Variants in CCNC observed in about 807,000 individuals in gnomAD.
CCNC encodes the protein cyclin-C.
In CCNC, 19 loss-of-function variants were observed where a neutral mutation model predicts 50.0. The observed-to-expected ratio is 0.38, with a 90% confidence interval of 0.27 to 0.56. The LOEUF (loss-of-function observed/expected upper bound fraction) is 0.56, where lower values mean the gene tolerates loss of function less well. CCNC is among the 20% of genes least tolerant of loss of function. The pLI, the probability that CCNC is intolerant of heterozygous loss-of-function variation, is 0.72. For synonymous variants in CCNC, 93 were observed against 103.7 expected, an observed-to-expected ratio of 0.90 and a Z score of 0.63; for missense variants, 200 against 327.1, an observed-to-expected ratio of 0.61 and a Z score of 3.00.
chr6:99,567,827 T>A (rs1562496732), intron 1 of CCNC, among the ~76,000 whole-genome samples: 1 of 152,122 alleles, frequency 6.6e-6, no homozygotes, highest in Non-Finnish European at 1.5e-5. Context: ...AAACAAGAAC[T>A]TATTCATGAA....
intron 5 of CCNC, among the ~76,000 whole-genome samples, chr6:99,555,436 CT>C (rs67373075): frequency 0.85 from 128,677 of 150,926 alleles, 55,419 homozygotes; most frequent in East Asian, 0.98. Flanking sequence ...TTGTGGAACT[CT>C]TTTTTTTTTT....
chr6:99,548,973 G>A (rs1397442675), intron 9 of CCNC, among the ~76,000 whole-genome samples: 3 of 152,134 alleles, frequency 2.0e-5, no homozygotes, highest in African/African-American at 4.8e-5. Context: ...AAACAAACAC[G>A]GAAAGGTCAG....
chr6:99,560,368 T>G lies in CCNC; in HGVS notation c.294+999A>C, dbSNP rs538681001. Reference sequence around the variant, plus strand: ...AACATAAACTTCTAGAAAGCTTGTCTTAATATTATTTCTAACAGAGTCAAT... The same window carrying G: ...AACATAAACTTCTAGAAAGCTTGTCGTAATATTATTTCTAACAGAGTCAAT... On this transcript the variant is annotated intron_variant, in intron 4 of 11. Transcript: ENST00000520429. Among the ~76,000 whole-genome samples, 163 of 152,324 alleles carry G rather than the reference T, an allele frequency of 1.1e-3. 1 individual carries two copies. The highest frequency in any genetic ancestry group is 3.7e-3 in the African/African-American group (155 of 41,584).
At chr6:99,549,288 CA>C (rs34144372) in intron 9 of CCNC, 149,361 of 486,292 alleles carry the variant, frequency 0.31, 6,979 homozygotes, top group African/African-American at 0.44. Flanking sequence ...TGAATGGTTT[CA>C]AAAAAAAAAA....
chr6:99,561,878 TAAACAACAACA>T lies in CCNC; in HGVS notation c.140-208_140-198del, dbSNP rs374701217. On this transcript the variant is annotated intron_variant, in intron 2 of 11. Transcript: ENST00000520429. ...GTGTTAAGAAATATATAGGTATGCA[TAAACAACAACA>T]AAACAACAACAAAACAGAAATTGCC... 2,925 of 351,106 alleles carry T rather than the reference TAAACAACAACA, an allele frequency of 8.3e-3. 20 individuals carry two copies. The highest frequency in any genetic ancestry group is 0.011 in the Non-Finnish European group (2,155 of 191,378). The allele number at this position is 351,106 out of a possible 1,614,324, so 21.7% of individuals were successfully genotyped here. A position where few individuals can be genotyped will look rare whatever the true frequency, so the allele number is the denominator to read the frequency against.
chr6:99,553,799 C>G (rs1192205491), intron 5 of CCNC, among the ~76,000 whole-genome samples: 1 of 152,166 alleles, frequency 6.6e-6, no homozygotes, highest in Non-Finnish European at 1.5e-5. Flanking sequence ...GTTGTGAAAG[C>G]CACCCAGTCT....
intron 10 of CCNC, among the ~76,000 whole-genome samples, chr6:99,546,086 C>T (rs955859668): frequency 6.6e-6 from 1 of 152,098 alleles, no homozygotes; most frequent in Non-Finnish European, 1.5e-5. Context: ...CTGTCTCAGC[C>T]TCCCGAGTAG....
chr6:99,561,466 C>T, intron 3 of CCNC, 30 bp from the exon 4 acceptor site: 1 of 1,471,134 alleles, frequency 6.8e-7, no homozygotes, highest in Non-Finnish European at 9.3e-7. Flanking sequence ...AGTTAAATAT[C>T]ATTCATACAG....
chr6:99,561,227 T>C (rs1802767741), intron 4 of CCNC, 140 bp downstream of exon 4: 6 of 678,474 alleles, frequency 8.8e-6, no homozygotes, highest in African/African-American at 7.3e-5. Flanking sequence ...GATATGTATA[T>C]ATTTCTTTGA....
At chr6:99,561,793 G>A in intron 2 of CCNC, 112 bp from the exon 3 acceptor site, 2 of 693,520 alleles carry the variant, frequency 2.9e-6, no homozygotes, top group Admixed American at 2.7e-5. Flanking sequence ...TTTTAACAAA[G>A]GAAAAAACCT....
chr6:99,568,003 G>C (rs757444898), intron 1 of CCNC: 1 of 155,498 alleles, frequency 6.4e-6, no homozygotes, highest in East Asian at 1.9e-4. Flanking sequence ...GCGGTTAGTA[G>C]GCAGAAACAA....
At chr6:99,567,593 T>C (rs1268280858) in intron 1 of CCNC, among the ~76,000 whole-genome samples, 1 of 152,178 alleles carries the variant, frequency 6.6e-6, no homozygotes, top group Non-Finnish European at 1.5e-5. Flanking sequence ...CAGGAACAGA[T>C]CCTATTCACA....
chr6:99,549,776 AT>A (rs1265133570), intron 8 of CCNC: 2 of 420,370 alleles, frequency 4.8e-6, no homozygotes, highest in African/African-American at 2.0e-5. Flanking sequence ...ATATCAATGA[AT>A]AAAATTACAG....
chr6:99,568,279 C>T (rs1769241328), intron 1 of CCNC: 3 of 586,436 alleles, frequency 5.1e-6, no homozygotes, highest in South Asian at 2.1e-5. Context: ...TCTCCCACCC[C>T]TCCCCCTCAC....
upstream of CCNC, chr6:99,568,791 C>T (rs76737027): frequency 0.011 from 11,802 of 1,095,052 alleles, 76 homozygotes; most frequent in Middle Eastern, 0.013. Flanking sequence ...GGTGCTGACC[C>T]TTGGAGGTGC....
chr6:99,551,173 GTTTAT>G, intron 6 of CCNC, 145 bp from the exon 7 acceptor site: 1 of 330,674 alleles, frequency 3.0e-6, no homozygotes, highest in Non-Finnish European at 5.4e-6. Flanking sequence ...AATAAACATA[GTTTAT>G]ATTAAAATAA....
intron 5 of CCNC, among the ~76,000 whole-genome samples, chr6:99,552,333 TAACA>T (rs1382097616): frequency 9.9e-5 from 15 of 152,180 alleles, no homozygotes; most frequent in Non-Finnish European, 1.9e-4. Flanking sequence ...AAAAAAATGT[TAACA>T]GTGGTTATTT....
intron 5 of CCNC, among the ~76,000 whole-genome samples, chr6:99,552,784 TGTAATCCCAGCACTTTGGGAGGC>T (rs1397723567): frequency 1.1e-4 from 17 of 152,226 alleles, no homozygotes; most frequent in African/African-American, 3.6e-4. Context: ...GGCTCATGCC[TGTAATCCCAGCACTTTGGGAGGC>T]CAAGGTGGGT....
chr6:99,562,466 C>T (rs930675650), intron 2 of CCNC: 1 of 158,722 alleles, frequency 6.3e-6, no homozygotes, highest in African/African-American at 2.4e-5. Context: ...AAAGATCTAT[C>T]CCTACATCTT....
Sources: gnomAD v4.1 joint callset for allele counts (sites outside exome capture counted in the v4.1 genomes callset) on GRCh38, gnomAD v4.1.1 for gene constraint, MANE v1.5 for transcripts, NCBI Gene and HGNC (gene_info 2026-07-23, HGNC 2026-07-21) for gene names.